The following TEX11 variants were observed in gnomAD, a reference collection of about 807,000 sequenced individuals.
TEX11 encodes the protein testis expressed 11.
TEX11 carries 7 observed loss-of-function variants against 84.4 expected under a neutral mutation model. The observed-to-expected ratio is 0.08, with a 90% CI of 0.05 to 0.16. The LOEUF (loss-of-function observed/expected upper bound fraction) is 0.16. Ranked by LOEUF, TEX11 falls within the 10% of genes least tolerant of loss-of-function variation. TEX11 has a pLI of 1.00. For missense variants in TEX11, 551 were observed against 660.5 expected (o/e 0.83, Z 1.82); for synonymous variants, 264 against 222.8 (o/e 1.18, Z -1.64).
chrX:70,634,725 AAAT>A (rs1247809622), intron 17 of TEX11, among the ~76,000 whole-genome samples: 1 of 106,401 alleles, frequency 9.4e-6, no homozygotes. Flanking sequence ...AAAAAAAAAA[AAAT>A]TTTCAATCCA....
At chrX:70,807,044 T>A (rs1390616077) in intron 8 of TEX11, among the ~76,000 whole-genome samples, 1 of 112,609 alleles carries the variant, frequency 8.9e-6, no homozygotes, top group Non-Finnish European at 1.9e-5. Flanking sequence ...GAATTAGTTA[T>A]GTATGAAAAA....
intron 17 of TEX11, among the ~76,000 whole-genome samples, chrX:70,646,163 A>G (rs56896716): frequency 0.056 from 6,252 of 112,185 alleles, 356 homozygotes; most frequent in African/African-American, 0.16. Context: ...AAGAACACAC[A>G]ATGAGAAAAG....
intron 2 of TEX11, among the ~76,000 whole-genome samples, chrX:70,888,484 A>G (rs191889094): frequency 5.7e-4 from 64 of 112,374 alleles, no homozygotes; most frequent in Non-Finnish European, 1.1e-3. Context: ...AGCAAAAGAA[A>G]GATTTAGTGA....
At chrX:70,577,270 CAG>C (rs1227094549) in intron 25 of TEX11, among the ~76,000 whole-genome samples, 10 of 108,946 alleles carry the variant, frequency 9.2e-5, no homozygotes, top group African/African-American at 3.3e-4. Flanking sequence ...ATGGAAGAAA[CAG>C]AAAAAAAAAA....
intron 7 of TEX11, among the ~76,000 whole-genome samples, chrX:70,845,873 C>T (rs924906369): frequency 5.4e-5 from 6 of 110,912 alleles, no homozygotes; most frequent in African/African-American, 2.0e-4. Flanking sequence ...ATTAAACAAT[C>T]ACTTAAGAGC....
intron 25 of TEX11, among the ~76,000 whole-genome samples, chrX:70,557,762 A>G (rs141321295): frequency 0.015 from 1,705 of 111,737 alleles, 36 homozygotes; most frequent in African/African-American, 0.053. Flanking sequence ...TGAAACTCGT[A>G]TGGAAATTCA....
intron 8 of TEX11, among the ~76,000 whole-genome samples, chrX:70,814,031 G>A (rs1482263066): frequency 9.0e-6 from 1 of 111,443 alleles, no homozygotes; most frequent in East Asian, 2.8e-4. Context: ...ACTGCCCAAG[G>A]TAATTTATAG....
chrX:70,861,998 T>C (rs1338307855), intron 4 of TEX11, among the ~76,000 whole-genome samples: 5 of 110,323 alleles, frequency 4.5e-5, no homozygotes, highest in Non-Finnish European at 9.5e-5. Flanking sequence ...ATATATTTTT[T>C]TCTGTAGAGA....
At chrX:70,602,160 G>C (rs1384982310) in intron 24 of TEX11, among the ~76,000 whole-genome samples, 1 of 111,657 alleles carries the variant, frequency 9.0e-6, no homozygotes, top group Admixed American at 9.4e-5. Context: ...CTGGCCGGGC[G>C]GGGGGCTGAC....
intron 9 of TEX11, among the ~76,000 whole-genome samples, chrX:70,769,892 T>A (rs2090962070): frequency 8.9e-6 from 1 of 112,242 alleles, no homozygotes. Flanking sequence ...TATAGGCTGA[T>A]TTTTAGTTAA....
Position 70,907,776 on chromosome X carries a change from T to A in TEX11, c.14A>T (p.Asp5Val), listed in dbSNP as rs572875941. MDND[D>V]FFSMDFKEVV... ...ACCTTTAAAGTCCATGGAAAAAAAA[T>A]CATCATTGTCCATTTTTAAATCTCT... The change falls in exon 2 of 30, where the codon GAT (aspartate) becomes GTT (valine). Residue 5 changes from aspartate (D) to valine (V), a missense_variant. Transcript: ENST00000374333. 5 of 1,184,722 alleles carry A rather than the reference T, an allele frequency of 4.2e-6. No individual in the cohort carries two copies. The Admixed American group carries it at 8.8e-5, about 21-fold the overall frequency.
At chrX:70,670,326 C>T (rs781387994) in intron 16 of TEX11, 51 bp downstream of exon 16, 27 of 1,169,546 alleles carry the variant, frequency 2.3e-5, no homozygotes, top group Admixed American at 9.9e-5. Context: ...ATCTCTCTGC[C>T]ACTGCACATA....
intron 23 of TEX11, among the ~76,000 whole-genome samples, chrX:70,606,141 C>G (rs182917646): frequency 8.9e-6 from 1 of 112,417 alleles, no homozygotes; most frequent in African/African-American, 3.2e-5. Flanking sequence ...ATTTCTTAAT[C>G]TCCCCAAACA....
chrX:70,588,761 A>G (rs1230459767), intron 25 of TEX11, among the ~76,000 whole-genome samples: 1 of 111,206 alleles, frequency 9.0e-6, no homozygotes, highest in Non-Finnish European at 1.9e-5. Flanking sequence ...CAAATATTGT[A>G]TGATTCACTT....
Position 70,888,902 on chromosome X carries a change from C to G in TEX11, c.38-8793G>C, listed in dbSNP as rs751703500. On this transcript the variant is annotated intron_variant, in intron 2 of 29. Coordinates refer to ENST00000374333, the MANE Select transcript of TEX11 (RefSeq NM_031276.3). ...TGGCAGCAGACTTTTCAGTGGAAAC[C>G]TTATAGGCCAGGAGAGACTGGCATG... Among the ~76,000 whole-genome samples the G allele has an allele frequency of 1.5e-4, 17 of 111,229 alleles. No homozygotes were observed. In the East Asian group the frequency reaches 2.8e-3, roughly 19 times the overall value.
chrX:70,634,251 G>A (rs139820164), intron 17 of TEX11, among the ~76,000 whole-genome samples: 129 of 111,993 alleles, frequency 1.2e-3, no homozygotes, highest in African/African-American at 4.0e-3. Flanking sequence ...TAAGTTGTTC[G>A]TGGTTTGGAA....
chrX:70,788,983 G>T (rs1487770642), intron 9 of TEX11, among the ~76,000 whole-genome samples: 177 of 46,774 alleles, frequency 3.8e-3, no homozygotes, highest in African/African-American at 7.1e-3. Flanking sequence ...TAGAGAGAGA[G>T]AGAGAGAGAG....
intron 8 of TEX11, among the ~76,000 whole-genome samples, chrX:70,829,644 A>G (rs1035957206): frequency 9.0e-6 from 1 of 110,810 alleles, no homozygotes; most frequent in African/African-American, 3.3e-5. Context: ...GGACAGTACC[A>G]TAAGACATAA....
chrX:70,865,355 A>G (rs1016013101), intron 4 of TEX11, among the ~76,000 whole-genome samples: 5 of 112,106 alleles, frequency 4.5e-5, no homozygotes, highest in Non-Finnish European at 9.4e-5. Context: ...TATCCTAAAT[A>G]TATATGCACC....
Sources: gnomAD v4.1 joint callset for allele counts (sites outside exome capture counted in the v4.1 genomes callset) on GRCh38, gnomAD v4.1.1 for gene constraint, MANE v1.5 for transcripts, NCBI Gene and HGNC (gene_info 2026-07-23, HGNC 2026-07-21) for gene names.